NBN: variants seen among roughly 807,000 people sequenced by gnomAD.
NBN encodes the protein Nijmegen breakage syndrome 1 (nibrin).
A neutral mutation model predicts 90.8 loss-of-function variants in NBN; 88 were observed. The observed-to-expected ratio is 0.97, with a 90% CI of 0.82 to 1.16. NBN has a LOEUF of 1.16. Among genes scored for constraint, NBN ranks in the 50% most tolerant of loss-of-function variants. The pLI is 0.00. For missense variants in NBN, 894 were observed against 869.6 expected, an observed-to-expected ratio of 1.03 and a Z score of -0.35; for synonymous variants, 328 against 295.1, an observed-to-expected ratio of 1.11 and a Z score of -1.14.
At chr8:89,971,135 T>C (rs758906295) in intron 6 of NBN, 38 bp downstream of exon 6, 15 of 1,577,448 alleles carry the variant, frequency 9.5e-6, no homozygotes, top group Admixed American at 3.4e-5. Context: ...TAGTTTGTAA[T>C]GTATTCTTTA....
intron 1 of NBN, among the ~76,000 whole-genome samples, chr8:89,983,915 A>G (rs1812196669): frequency 1.3e-5 from 2 of 152,140 alleles, no homozygotes; most frequent in African/African-American, 4.8e-5. Context: ...ATCTTTGCCA[A>G]TCATCATGTA....
chr8:89,982,848 T>G lies in NBN; in HGVS notation c.45A>C (p.Pro15=), dbSNP rs577332041. Residue 15 remains proline (P), a synonymous_variant, in exon 2 of 16, where the codon CCA becomes CCC. Transcript: ENST00000265433. ...ACTCAACGCCAGTCAAAAGTCTGTATGGTTCTCCTGAGATAAATTTTTTTT... is the reference window on the plus strand; with the variant it reads ...ACTCAACGCCAGTCAAAAGTCTGTAGGGTTCTCCTGAGATAAATTTTTTTT... The part of the protein sequence containing the change: ...LPAAGPAGGE[P]YRLLTGVEYV... The G allele has an allele frequency of 6.2e-7, 1 of 1,613,536 alleles. No homozygotes were observed. The highest frequency in any genetic ancestry group is 8.5e-7 in the Non-Finnish European group (1 of 1,179,612).
At chr8:89,981,265 C>A in intron 3 of NBN, 110 bp downstream of exon 3, 1 of 1,217,954 alleles carries the variant, frequency 8.2e-7, no homozygotes, top group South Asian at 1.2e-5. Context: ...CTGTGCTAAG[C>A]AGGAACTAAA....
At chr8:89,975,518 T>C (rs1482712906) in intron 5 of NBN, among the ~76,000 whole-genome samples, 1 of 152,250 alleles carries the variant, frequency 6.6e-6, no homozygotes, top group Non-Finnish European at 1.5e-5. Context: ...TAACTAAATA[T>C]ATTTAAAAAT....
chr8:89,935,415 G>C lies in NBN; in HGVS notation c.*167C>G. The C allele has an allele frequency of 2.7e-6, 2 of 744,988 alleles. No individual in the cohort carries two copies. Among genetic ancestry groups the C allele is most frequent in the South Asian group, 3.5e-5 (2 of 57,856 alleles). 46.1% of individuals were successfully genotyped at this position (744,988 alleles called of 1,614,324 possible). ...AAGCCTGAAAACAGAACAAACAATT[G>C]TTACATACAAAAGAATCAAAGTTTT... On this transcript the variant is annotated 3_prime_UTR_variant, in exon 16 of 16. Transcript: ENST00000265433.
chr8:89,961,684 C>T (rs1043002719), intron 8 of NBN, among the ~76,000 whole-genome samples: 3 of 151,994 alleles, frequency 2.0e-5, no homozygotes, highest in Non-Finnish European at 2.9e-5. Context: ...AAGGCGAGGT[C>T]GGGAGGAGGA....
At chr8:89,962,582 T>C (rs1811041577) in intron 8 of NBN, among the ~76,000 whole-genome samples, 1 of 152,226 alleles carries the variant, frequency 6.6e-6, no homozygotes, top group Non-Finnish European at 1.5e-5. Flanking sequence ...AGTTGGTCTT[T>C]AGCTTTTTAC....
At chr8:89,976,524 C>T (rs1388983432) in intron 5 of NBN, among the ~76,000 whole-genome samples, 1 of 152,128 alleles carries the variant, frequency 6.6e-6, no homozygotes, top group East Asian at 1.9e-4. Context: ...GGAGGGGAAC[C>T]ATGTTAATTA....
At chr8:89,982,603 T>C (rs943956475) in intron 2 of NBN, 119 bp downstream of exon 2, 5 of 918,828 alleles carry the variant, frequency 5.4e-6, no homozygotes, top group Non-Finnish European at 9.0e-6. Context: ...ATTAAAAAAG[T>C]CTACACAGCT....
chr8:89,976,122 G>C (rs1811743235), intron 5 of NBN, among the ~76,000 whole-genome samples: 1 of 152,114 alleles, frequency 6.6e-6, no homozygotes, highest in African/African-American at 2.4e-5. Context: ...CTTCCAAGCA[G>C]CTGGGATTAC....
At chr8:89,976,722 G>A (rs775728382) in intron 5 of NBN, among the ~76,000 whole-genome samples, 4 of 152,128 alleles carry the variant, frequency 2.6e-5, no homozygotes, top group Non-Finnish European at 5.9e-5. Flanking sequence ...TTCATCTGTC[G>A]CTGGGTCAGG....
In NBN at chr8:89,946,284, T is replaced by A; in HGVS notation, c.1926A>T (p.Lys642Asn). 3 of 1,582,126 alleles carry A rather than the reference T, an allele frequency of 1.9e-6. No homozygotes were observed. The highest frequency in any genetic ancestry group is 2.6e-6 in the Non-Finnish European group (3 of 1,151,320). Residue 642 changes from lysine (K) to asparagine (N), a missense_variant, in exon 13 of 16, where the codon AAA becomes AAT. Coordinates refer to ENST00000265433, the MANE Select transcript of NBN (RefSeq NM_002485.5). Reference protein sequence around the residue: ...WSAKEISNNDKLQDDSEMLPK... With the variant: ...WSAKEISNNDNLQDDSEMLPK... ...GAAGCATCTCACTATCATCCTGAAG[T>A]TTGTCATTGTTCTTAAATGGGGTTA...
At chr8:89,980,666 T>C in intron 4 of NBN, 68 bp downstream of exon 4, 1 of 1,340,224 alleles carries the variant, frequency 7.5e-7, no homozygotes, top group South Asian at 1.2e-5. Context: ...AAAAAAAATC[T>C]GTGTATAGTG....
chr8:89,958,458 A>G (rs563433223), intron 9 of NBN, among the ~76,000 whole-genome samples: 57 of 152,332 alleles, frequency 3.7e-4, no homozygotes, highest in Non-Finnish European at 7.1e-4. Context: ...CAATGACTAC[A>G]TATCGTCTAT....
rs1181142133 is a variant in NBN, at chr8:89,946,156, A to G, written c.2054T>C (p.Phe685Ser). 6.3e-7 allele frequency: 1 copy of G among 1,594,288 alleles called. No individual in the cohort carries two copies. Among genetic ancestry groups the G allele is most frequent in the Admixed American group, 1.7e-5 (1 of 59,946 alleles). ...AATACCTACCTTTTTGAATTTCTTGAAATTTTTTAGTTGACCATAATCATC... is the reference window on the plus strand; with the variant it reads ...AATACCTACCTTTTTGAATTTCTTGGAATTTTTTAGTTGACCATAATCATC... ...INDDYGQLKNFKKFKKVTYPG... is the reference protein window; with the variant it reads ...INDDYGQLKNSKKFKKVTYPG... Residue 685 changes from phenylalanine (F) to serine (S), a missense_variant, in exon 13 of 16, where the codon TTC becomes TCC. Physicochemically the swap from Phe to Ser is radical, Grantham distance 155. Coordinates refer to ENST00000265433, the MANE Select transcript of NBN (RefSeq NM_002485.5).
At chr8:89,943,125 G>T in intron 14 of NBN, 128 bp downstream of exon 14, 1 of 893,948 alleles carries the variant, frequency 1.1e-6, no homozygotes, top group Non-Finnish European at 1.8e-6. Flanking sequence ...TGTAACTCAG[G>T]AATGCTCCTG....
intron 13 of NBN, among the ~76,000 whole-genome samples, chr8:89,945,325 AAGT>A (rs1412346157): frequency 6.6e-6 from 1 of 152,164 alleles, no homozygotes; most frequent in African/African-American, 2.4e-5. Flanking sequence ...CTTCTGCTCT[AAGT>A]AGAAGAGATT....
intron 5 of NBN, 144 bp downstream of exon 5, chr8:89,978,076 C>T (rs1373011643): frequency 6.9e-6 from 5 of 726,966 alleles, no homozygotes; most frequent in Non-Finnish European, 9.1e-6. Context: ...TACAAACTAA[C>T]AAAAAACCTT....
intron 5 of NBN, among the ~76,000 whole-genome samples, chr8:89,974,976 CAAAT>C (rs1315229610): frequency 6.6e-6 from 1 of 152,148 alleles, no homozygotes; most frequent in Non-Finnish European, 1.5e-5. Flanking sequence ...TTGTAAAACT[CAAAT>C]AAAAGCCAAC....
Sources: gnomAD v4.1 joint callset for allele counts (sites outside exome capture counted in the v4.1 genomes callset) on GRCh38, gnomAD v4.1.1 for gene constraint, MANE v1.5 for transcripts, NCBI Gene and HGNC (gene_info 2026-07-23, HGNC 2026-07-21) for gene names.